The following KIF18A variants were observed in gnomAD, a reference collection of about 807,000 sequenced individuals.
KIF18A encodes kinesin family member 18A, also known as kinesin-like protein KIF18A.
KIF18A carries 67 observed loss-of-function variants against 103.3 expected under a neutral mutation model. That is an observed-to-expected ratio of 0.65 (90% CI 0.53 to 0.79). KIF18A has a LOEUF of 0.79. KIF18A is among the 30% of genes least tolerant of loss of function. The pLI is 0.00. For synonymous variants in KIF18A, 367 were observed against 355.5 expected (o/e 1.03, Z -0.36); for missense variants, 1,032 against 1,062.5 (o/e 0.97, Z 0.40).
At chr11:28,083,401 A>G (rs907446731) in intron 7 of KIF18A, among the ~76,000 whole-genome samples, 158 bp from the exon 8 acceptor site, 2 of 152,128 alleles carry the variant, frequency 1.3e-5, no homozygotes, top group African/African-American at 4.8e-5. Flanking sequence ...GGATCTGCTG[A>G]GCACATTAAT....
chr11:28,085,685 G>A (rs915551470), intron 6 of KIF18A, among the ~76,000 whole-genome samples: 2 of 152,168 alleles, frequency 1.3e-5, no homozygotes, highest in African/African-American at 4.8e-5. Flanking sequence ...ATATCAGCGC[G>A]CCCAGCTGTT....
intron 3 of KIF18A, 117 bp downstream of exon 3, chr11:28,094,526 C>A: frequency 7.6e-6 from 6 of 787,818 alleles, no homozygotes; most frequent in South Asian, 4.4e-5. Flanking sequence ...ATATTCAAGA[C>A]AAGGAATTTT....
intron 9 of KIF18A, among the ~76,000 whole-genome samples, chr11:28,080,246 G>C (rs1276857211): frequency 2.0e-5 from 3 of 151,610 alleles, no homozygotes; most frequent in East Asian, 3.9e-4. Context: ...AAAATTACTT[G>C]ATCTACAAAG....
At chr11:28,066,861 T>C (rs556468548) in intron 11 of KIF18A, among the ~76,000 whole-genome samples, 15 of 150,282 alleles carry the variant, frequency 1.0e-4, no homozygotes, top group Admixed American at 2.7e-4. Flanking sequence ...TTGTTAACTA[T>C]GTACACTTTT....
intron 15 of KIF18A, among the ~76,000 whole-genome samples, chr11:28,033,848 T>A (rs1850444392): frequency 6.6e-6 from 1 of 151,612 alleles, no homozygotes; most frequent in Admixed American, 6.6e-5. Flanking sequence ...AAAAAATAAC[T>A]AAGAGTATAA....
intron 1 of KIF18A, among the ~76,000 whole-genome samples, chr11:28,099,542 T>G (rs1851419864): frequency 6.6e-6 from 1 of 152,204 alleles, no homozygotes; most frequent in African/African-American, 2.4e-5. Flanking sequence ...TGTGTACACA[T>G]GTATCAAAAC....
chr11:28,088,963 G>A (rs901135988), intron 5 of KIF18A, among the ~76,000 whole-genome samples: 1 of 152,072 alleles, frequency 6.6e-6, no homozygotes, highest in African/African-American at 2.4e-5. Context: ...CTTGATAGAA[G>A]ATCAAAACTT....
Position 28,083,016 on chromosome 11 carries a change from T to A in KIF18A, c.1150-48A>T, listed in dbSNP as rs1290957456. ...TAAAATACAAAAGAAGTCATTTACA[T>A]GGCCACAGCCAAATTTAGCTGTAAA... On this transcript the variant is annotated intron_variant, in intron 8 of 16. Transcript: ENST00000263181. 2.8e-6 allele frequency: 4 copies of A among 1,453,132 alleles called. No individual in the cohort carries two copies. The African/African-American group carries it at 5.7e-5, about 21-fold the overall frequency. The allele number at this position is 1,453,132 out of a possible 1,614,324, so 90.0% of individuals were successfully genotyped here. A position where few individuals can be genotyped will look rare whatever the true frequency, so the allele number is the denominator to read the frequency against.
At chr11:28,098,324 G>A (rs1851402399) in intron 1 of KIF18A, among the ~76,000 whole-genome samples, 2 of 152,160 alleles carry the variant, frequency 1.3e-5, no homozygotes, top group African/African-American at 4.8e-5. Context: ...TATAATCACA[G>A]ATATGCTATC....
At chr11:28,102,759 A>T (rs1042497723) in intron 1 of KIF18A, among the ~76,000 whole-genome samples, 10 of 152,318 alleles carry the variant, frequency 6.6e-5, no homozygotes, top group Non-Finnish European at 1.2e-4. Context: ...CCTAAGGTCA[A>T]CAGAATCATC....
chr11:28,072,866 A>G (rs149434835), intron 10 of KIF18A, among the ~76,000 whole-genome samples: 42 of 152,238 alleles, frequency 2.8e-4, no homozygotes, highest in African/African-American at 9.6e-4. Context: ...TGGAGGAATT[A>G]AGACAGTAAA....
intron 6 of KIF18A, among the ~76,000 whole-genome samples, 190 bp downstream of exon 6, chr11:28,088,334 T>C (rs1350948917): frequency 6.6e-6 from 1 of 152,050 alleles, no homozygotes; most frequent in Non-Finnish European, 1.5e-5. Flanking sequence ...AAACTGGAAA[T>C]TAAAAAAGAA....
At chr11:28,091,839 A>G (rs1565090117) in intron 3 of KIF18A, among the ~76,000 whole-genome samples, 1 of 151,952 alleles carries the variant, frequency 6.6e-6, no homozygotes, top group East Asian at 1.9e-4. Context: ...TTTTTTTGAG[A>G]CGGAGTCTCG....
chr11:28,097,818 A>C lies in KIF18A; in HGVS notation c.130T>G (p.Phe44Val), dbSNP rs2133566196. 1 of 1,613,514 alleles carries C rather than the reference A, an allele frequency of 6.2e-7. No individual in the cohort carries two copies. The highest frequency in any genetic ancestry group is 8.5e-7 in the Non-Finnish European group (1 of 1,179,634). Residue 44 changes from phenylalanine to valine, a missense_variant, in exon 2 of 17, where the codon TTT becomes GTT. Coordinates refer to ENST00000263181, the MANE Select transcript of KIF18A (RefSeq NM_031217.4). The stretch of plus-strand genomic sequence containing the variant: ...CTGACTTCTTCTTGTTTGGGATCAA[A>C]AACTAGGATATGTTTATCCACAACA... ...VHVVDKHILVFDPKQEEVSFF... is the reference protein window; with the variant it reads ...VHVVDKHILVVDPKQEEVSFF...
intron 9 of KIF18A, among the ~76,000 whole-genome samples, chr11:28,078,531 CT>C (rs1851124034): frequency 6.6e-6 from 1 of 151,970 alleles, no homozygotes; most frequent in African/African-American, 2.4e-5. Flanking sequence ...TAGAGAGCTC[CT>C]TAACAACACC....
intron 2 of KIF18A, chr11:28,097,207 T>C (rs1350410946): frequency 6.0e-6 from 1 of 166,626 alleles, no homozygotes; most frequent in Admixed American, 6.1e-5. Flanking sequence ...CAATGTGCCA[T>C]GAAGAAAAAC....
In KIF18A at chr11:28,084,957, T is replaced by C. The variant is rs1851209200; in HGVS notation, c.898-149A>G. 5 of 574,592 alleles carry C rather than the reference T, an allele frequency of 8.7e-6. No individual in the cohort carries two copies. In the East Asian group the frequency reaches 1.1e-4, roughly 13 times the overall value. 35.6% of individuals were successfully genotyped at this position (574,592 alleles called of 1,614,324 possible). A position where few individuals can be genotyped will look rare whatever the true frequency, so the allele number is the denominator to read the frequency against. On this transcript the variant is annotated intron_variant, in intron 6 of 16. Coordinates refer to ENST00000263181, the MANE Select transcript of KIF18A (RefSeq NM_031217.4). ...AACTGTTTCAGTATAATGAAAAAAA[T>C]AGCTAGAATAAGAATAGTCATAATA...
At position 28,022,556 on chromosome 11, in the gene KIF18A, G is replaced by C. The variant is rs535238144; in HGVS notation, c.2614+1185C>G. Among the ~76,000 whole-genome samples, 300 of 152,218 alleles carry C rather than the reference G, an allele frequency of 2.0e-3. 1 individual carries two copies. Among genetic ancestry groups the C allele is most frequent in the African/African-American group, 6.0e-3 (248 of 41,518 alleles). On this transcript the variant is annotated intron_variant, in intron 16 of 16. Coordinates refer to ENST00000263181, the MANE Select transcript of KIF18A (RefSeq NM_031217.4). ...TGCTGGGATTACAGGCGTGAGCCAC[G>C]GCGCCCGGCCAATTTGAGAGTTTTT...
chr11:28,073,141 C>T (rs1037016335), intron 10 of KIF18A, among the ~76,000 whole-genome samples: 8 of 152,074 alleles, frequency 5.3e-5, no homozygotes, highest in Non-Finnish European at 8.8e-5. Flanking sequence ...GTGCCAACTC[C>T]AGTCCATTCA....
Sources: gnomAD v4.1 joint callset for allele counts (sites outside exome capture counted in the v4.1 genomes callset) on GRCh38, gnomAD v4.1.1 for gene constraint, MANE v1.5 for transcripts, NCBI Gene and HGNC (gene_info 2026-07-23, HGNC 2026-07-21) for gene names.